IPP: variants seen among roughly 807,000 people sequenced by gnomAD.
The protein encoded by IPP is intracisternal A particle-promoted polypeptide.
Under a neutral mutation model 64.1 loss-of-function variants are expected in IPP, and 41 were observed. That is an observed-to-expected ratio of 0.64 (90% CI 0.50 to 0.83). The LOEUF is 0.83. Ranked by LOEUF, IPP falls within the 40% of genes least tolerant of loss-of-function variation. The pLI is 0.00. For synonymous variants in IPP, 214 were observed against 235.2 expected (o/e 0.91, Z 0.83); for missense variants, 649 against 703.0 (o/e 0.92, Z 0.87).
At chr1:45,727,476 C>CCCTT (rs1449009054) in intron 5 of IPP, among the ~76,000 whole-genome samples, 155 bp downstream of exon 5, 1 of 140,180 alleles carries the variant, frequency 7.1e-6, no homozygotes, top group Non-Finnish European at 1.6e-5. Context: ...TCTCTTCCTT[C>CCCTT]CCTCCCTCCC....
chr1:45,736,905 T>C (rs1410342593), intron 3 of IPP, among the ~76,000 whole-genome samples: 1 of 150,258 alleles, frequency 6.7e-6, no homozygotes, highest in Non-Finnish European at 1.5e-5. Context: ...TAGCCGGGCG[T>C]GGTGGCGGGC....
At chr1:45,695,332 T>C (rs1385035244), downstream of IPP, among the ~76,000 whole-genome samples, 2 of 152,152 alleles carry the variant, frequency 1.3e-5, no homozygotes, top group Non-Finnish European at 2.9e-5. Flanking sequence ...GCCAAGCTAA[T>C]TTTTTAATTT....
At chr1:45,742,964 G>A (rs1361364762) in intron 2 of IPP, among the ~76,000 whole-genome samples, 1 of 150,872 alleles carries the variant, frequency 6.6e-6, no homozygotes, top group Admixed American at 6.6e-5. Context: ...TCGAGACAGA[G>A]TCTCACTATG....
At chr1:45,715,940 A>T (rs1468391858) in intron 7 of IPP, among the ~76,000 whole-genome samples, 2 of 152,244 alleles carry the variant, frequency 1.3e-5, no homozygotes, top group Admixed American at 6.5e-5. Flanking sequence ...CAGAGAAGGT[A>T]ACCACAGAGC....
chr1:45,740,786 A>C (rs895194295), intron 3 of IPP, 115 bp downstream of exon 3: 1 of 598,492 alleles, frequency 1.7e-6, no homozygotes, highest in African/African-American at 1.9e-5. Context: ...AAAAAAGAGT[A>C]ATCATTCAAT....
At chr1:45,746,930 C>G (rs1248195751) in intron 1 of IPP, among the ~76,000 whole-genome samples, 1 of 152,182 alleles carries the variant, frequency 6.6e-6, no homozygotes, top group Non-Finnish European at 1.5e-5. Flanking sequence ...TAATTTAAGA[C>G]TCTGTTCAAA....
rs757655231 is a variant in IPP at position 45,727,845 on chromosome 1, T to G, written c.881-47A>C. Reference sequence around the variant, plus strand: ...AGTAATGAAAATCTACTGTTCTACATCTAAACATTTAGTATAACTACTATA... The same window carrying G: ...AGTAATGAAAATCTACTGTTCTACAGCTAAACATTTAGTATAACTACTATA... On this transcript the variant is annotated intron_variant, in intron 4 of 8. Transcript: ENST00000396478. The G allele has an allele frequency of 3.7e-6, 5 of 1,359,076 alleles. No homozygotes were observed. The Admixed American group carries it at 1.0e-4, about 28-fold the overall frequency. The allele number at this position is 1,359,076 out of a possible 1,614,324, so 84.2% of individuals were successfully genotyped here. A position where few individuals can be genotyped will look rare whatever the true frequency, so the allele number is the denominator to read the frequency against.
chr1:45,744,956 G>A (rs1220276815), intron 2 of IPP, among the ~76,000 whole-genome samples: 2 of 152,114 alleles, frequency 1.3e-5, no homozygotes, highest in Non-Finnish European at 2.9e-5. Context: ...AGCTATGCAG[G>A]GTGGTGAGAT....
intron 8 of IPP, among the ~76,000 whole-genome samples, chr1:45,705,162 G>A (rs907133802): frequency 3.3e-5 from 5 of 152,136 alleles, no homozygotes; most frequent in Non-Finnish European, 2.9e-5. Context: ...AACATTCCTG[G>A]GCTAAGCCCA....
chr1:45,707,422 CAAAAA>C (rs66578618), intron 8 of IPP, among the ~76,000 whole-genome samples: 1 of 73,574 alleles, frequency 1.4e-5, no homozygotes, highest in Non-Finnish European at 2.4e-5. Flanking sequence ...GACTCCATAT[CAAAAA>C]AAAAAAAAAA....
In IPP at chr1:45,741,228, G is replaced by C; in HGVS notation, c.397C>G (p.Gln133Glu). ...VHLCCEFLKG[Q>E]IDPLNCIGIF... Reference sequence around the variant, plus strand: ...CCAATGCAGTTCAGTGGATCAATTTGTCCTTTCAGAAATTCACAGCAAAGA... The same window carrying C: ...CCAATGCAGTTCAGTGGATCAATTTCTCCTTTCAGAAATTCACAGCAAAGA... The change falls in exon 3 of 9, where the codon CAA becomes GAA. Residue 133 changes from glutamine (Q) to glutamate (E), a missense_variant. By Grantham distance (29) the Gln-to-Glu change is conservative. Coordinates refer to ENST00000396478, the MANE Select transcript of IPP (RefSeq NM_005897.3). The C allele has an allele frequency of 6.2e-7, 1 of 1,614,120 alleles. No homozygotes were observed. The highest frequency in any genetic ancestry group is 1.1e-5 in the South Asian group (1 of 91,084).
chr1:45,714,500 G>T, intron 7 of IPP, 34 bp from the exon 8 acceptor site: 2 of 1,159,002 alleles, frequency 1.7e-6, no homozygotes, highest in South Asian at 1.2e-5. Context: ...AGATGCTACA[G>T]ATAGTGAGAT....
intron 6 of IPP, 118 bp downstream of exon 6, chr1:45,719,085 T>C: frequency 1.2e-6 from 1 of 867,112 alleles, no homozygotes; most frequent in East Asian, 2.7e-5. Flanking sequence ...TTATTACGCA[T>C]TATGTGCCTG....
Position 45,699,477 on chromosome 1 carries a change from A to C in IPP, c.*489T>G, listed in dbSNP as rs1163367130. On this transcript the variant is annotated 3_prime_UTR_variant, in exon 9 of 9. Coordinates refer to ENST00000396478, the MANE Select transcript of IPP (RefSeq NM_005897.3). ...TAGCTAAAGGGACTATTTGCCAGGAAGCTTCTAGTAAATAATTTCTACAAA... is the reference window on the plus strand; with the variant it reads ...TAGCTAAAGGGACTATTTGCCAGGACGCTTCTAGTAAATAATTTCTACAAA... The C allele has an allele frequency of 1.0e-6, 1 of 988,244 alleles. No homozygotes were observed. The highest frequency in any genetic ancestry group is 1.7e-5 in the African/African-American group (1 of 57,242). 61.2% of individuals were successfully genotyped at this position (988,244 alleles called of 1,614,324 possible). A position where few individuals can be genotyped will look rare whatever the true frequency, so the allele number is the denominator to read the frequency against.
At chr1:45,726,199 C>T (rs1397817223) in intron 5 of IPP, among the ~76,000 whole-genome samples, 2 of 149,590 alleles carry the variant, frequency 1.3e-5, no homozygotes, top group African/African-American at 4.9e-5. Flanking sequence ...TGGCTCATGT[C>T]TGTAATCCCA....
intron 7 of IPP, 100 bp from the exon 8 acceptor site, chr1:45,714,566 G>C: frequency 2.8e-6 from 2 of 720,912 alleles, no homozygotes; most frequent in African/African-American, 1.8e-5. Flanking sequence ...CCGATGCTAT[G>C]TTTAATCTAG....
At chr1:45,698,650 C>G (rs1645408560), downstream of IPP, 4 of 972,464 alleles carry the variant, frequency 4.1e-6, no homozygotes, top group Non-Finnish European at 4.9e-6. Flanking sequence ...ATAAAATTCC[C>G]TCTTCCTAAA....
Position 45,714,451 on chromosome 1 carries a change from A to G in IPP, c.1325T>C (p.Ile442Thr), listed in dbSNP as rs752071344. The change falls in exon 8 of 9, where the codon ATT becomes ACT. Residue 442 changes from isoleucine to threonine, a missense_variant. Physicochemically the swap from Ile to Thr is moderately conservative, Grantham distance 89 (BLOSUM62 -1). Coordinates refer to ENST00000396478, the MANE Select transcript of IPP (RefSeq NM_005897.3). ...CCEMQGLIYV[I>T]GGISNEGIEL... ...TATTCCTTCATTGCTGATGCCCCCAATTACATAAATTAAACCTGGAAGTGG... is the reference window on the plus strand; with the variant it reads ...TATTCCTTCATTGCTGATGCCCCCAGTTACATAAATTAAACCTGGAAGTGG... 8.1e-6 allele frequency: 13 copies of G among 1,608,144 alleles called. No homozygotes were observed. Among genetic ancestry groups the G allele is most frequent in the South Asian group, 5.5e-5 (5 of 90,954 alleles).
Position 45,698,963 on chromosome 1 carries a change from C to T in IPP, c.*1003G>A. 1.3e-6 allele frequency: 1 copy of T among 794,882 alleles called. No individual in the cohort carries two copies. Among genetic ancestry groups the T allele is most frequent in the Non-Finnish European group, 1.5e-6 (1 of 656,032 alleles). The allele number at this position is 794,882 out of a possible 1,614,324, so 49.2% of individuals were successfully genotyped here. A position where few individuals can be genotyped will look rare whatever the true frequency, so the allele number is the denominator to read the frequency against. On this transcript the variant is annotated 3_prime_UTR_variant, in exon 9 of 9. Coordinates refer to ENST00000396478, the MANE Select transcript of IPP (RefSeq NM_005897.3). ...TCTCGAACTCCTGAGTTCAAGCCAT[C>T]TTCCCGTCTCACCTCGGCCTCTCAA...
Sources: gnomAD v4.1 joint callset for allele counts (sites outside exome capture counted in the v4.1 genomes callset) on GRCh38, gnomAD v4.1.1 for gene constraint, MANE v1.5 for transcripts, NCBI Gene and HGNC (gene_info 2026-07-23, HGNC 2026-07-21) for gene names.